TMEM45B: variants seen among roughly 807,000 people sequenced by gnomAD.
The protein encoded by TMEM45B is transmembrane protein 45B.
TMEM45B carries 29 observed loss-of-function variants against 27.3 expected under a neutral mutation model. That is an observed-to-expected ratio of 1.06 (90% CI 0.79 to 1.45). The LOEUF (loss-of-function observed/expected upper bound fraction) is 1.45, where lower values mean the gene tolerates loss of function less well. Among genes scored for constraint, TMEM45B ranks in the 40% most tolerant of loss-of-function variants. The pLI, the probability that TMEM45B is intolerant of heterozygous loss-of-function variation, is 0.00. For missense variants in TMEM45B, 348 were observed against 343.9 expected, an observed-to-expected ratio of 1.01 and a Z score of -0.09; for synonymous variants, 143 against 134.7, an observed-to-expected ratio of 1.06 and a Z score of -0.43.
At chr11:129,858,498 G>C in intron 5 of TMEM45B, 76 bp from the exon 6 acceptor site, 2 of 954,560 alleles carry the variant, frequency 2.1e-6, no homozygotes, top group Non-Finnish European at 3.2e-6. Flanking sequence ...TTAAGAATCA[G>C]TAGATGCCTT....
intron 1 of TMEM45B, among the ~76,000 whole-genome samples, chr11:129,841,599 T>G (rs1395048202): frequency 1.0e-4 from 15 of 145,312 alleles, no homozygotes; most frequent in Non-Finnish European, 2.0e-4. Flanking sequence ...TTTGTTTTTT[T>G]TTTTTTTTTG....
At chr11:129,828,001 T>C (rs1312497511) in intron 1 of TMEM45B, 1 of 143,852 alleles carries the variant, frequency 7.0e-6, no homozygotes, top group Admixed American at 7.4e-5. Flanking sequence ...ATTATAATCT[T>C]ATGGGGCCAC....
chr11:129,854,132 G>A (rs1000912180), intron 2 of TMEM45B, among the ~76,000 whole-genome samples: 4 of 152,156 alleles, frequency 2.6e-5, no homozygotes, highest in Non-Finnish European at 4.4e-5. Flanking sequence ...CCTGGGAGCC[G>A]CTTCCCTCCC....
At chr11:129,847,262 C>T (rs377064349) in intron 1 of TMEM45B, among the ~76,000 whole-genome samples, 2 of 152,020 alleles carry the variant, frequency 1.3e-5, no homozygotes. Flanking sequence ...AGGTAAATAC[C>T]GGAGGAAACA....
At chr11:129,827,706 G>T (rs1413078597) in intron 1 of TMEM45B, among the ~76,000 whole-genome samples, 1 of 152,136 alleles carries the variant, frequency 6.6e-6, no homozygotes, top group African/African-American at 2.4e-5. Context: ...GAGAGGCTGA[G>T]ACAGGAGAAT....
rs71057982 is a variant in TMEM45B at position 129,851,543 on chromosome 11, C to CAAAAAAAAAA, written c.-8-926_-8-917dup. Among the ~76,000 whole-genome samples, 100 of 54,940 alleles carry CAAAAAAAAAA rather than the reference C, an allele frequency of 1.8e-3. 7 individuals are homozygous for CAAAAAAAAAA. Among genetic ancestry groups the CAAAAAAAAAA allele is most frequent in the East Asian group, 6.7e-3 (9 of 1,344 alleles). The allele number at this position is 54,940 out of a possible 152,430, so 36.0% of individuals were successfully genotyped here. A position where few individuals can be genotyped will look rare whatever the true frequency, so the allele number is the denominator to read the frequency against. The stretch of plus-strand genomic sequence containing the variant: ...TGGGTGACAGAGTGAAACTCTGCCT[C>CAAAAAAAAAA]AAAAAAAAAAAAAAAGTCCCCTTCT... On this transcript the variant is annotated intron_variant, in intron 1 of 5. Coordinates refer to ENST00000281441, the MANE Select transcript of TMEM45B (RefSeq NM_138788.5).
chr11:129,829,986 G>A (rs1947529079), intron 1 of TMEM45B, among the ~76,000 whole-genome samples: 1 of 152,222 alleles, frequency 6.6e-6, no homozygotes, highest in African/African-American at 2.4e-5. Flanking sequence ...ATTCACATGT[G>A]AAAGAATAAA....
intron 1 of TMEM45B, among the ~76,000 whole-genome samples, chr11:129,845,984 TA>T (rs1435644536): frequency 6.6e-6 from 1 of 152,196 alleles, no homozygotes; most frequent in Non-Finnish European, 1.5e-5. Flanking sequence ...AGTTCAATTT[TA>T]AAGAGAATAT....
intron 1 of TMEM45B, among the ~76,000 whole-genome samples, chr11:129,832,064 T>TGAAAAAA (rs1191712213): frequency 1.5e-4 from 1 of 6,838 alleles, no homozygotes. Flanking sequence ...AGATTCCATC[T>TGAAAAAA]CAAAAAAAAA....
At position 129,858,711 on chromosome 11, in the gene TMEM45B, C is replaced by CCCA; in HGVS notation, c.*28_*30dup. 6.7e-7 allele frequency: 1 copy of CCCA among 1,490,406 alleles called. No individual in the cohort carries two copies. Among genetic ancestry groups the CCCA allele is most frequent in the Admixed American group, 2.0e-5 (1 of 50,636 alleles). The allele number at this position is 1,490,406 out of a possible 1,614,324, so 92.3% of individuals were successfully genotyped here. A position where few individuals can be genotyped will look rare whatever the true frequency, so the allele number is the denominator to read the frequency against. ...GCCGAGATGCGGAGGGCGCAGATGT[C>CCCA]CCACTGCACAGCTGGAATGAATGGA... On this transcript the variant is annotated 3_prime_UTR_variant, in exon 6 of 6. Transcript: ENST00000281441.
intron 1 of TMEM45B, among the ~76,000 whole-genome samples, chr11:129,842,484 A>T (rs1043610766): frequency 2.0e-5 from 3 of 152,222 alleles, no homozygotes; most frequent in African/African-American, 7.2e-5. Flanking sequence ...ACAGAAATAA[A>T]CCCACTCATA....
At chr11:129,827,327 G>A (rs1947497348) in intron 1 of TMEM45B, among the ~76,000 whole-genome samples, 1 of 152,210 alleles carries the variant, frequency 6.6e-6, no homozygotes, top group African/African-American at 2.4e-5. Flanking sequence ...GCTATGCGGT[G>A]TATACTGTCA....
chr11:129,837,949 T>C (rs1947645021), intron 1 of TMEM45B, among the ~76,000 whole-genome samples: 1 of 151,876 alleles, frequency 6.6e-6, no homozygotes, highest in South Asian at 2.1e-4. Context: ...GCCCAGCTAA[T>C]TTTTGCATTT....
intron 1 of TMEM45B, among the ~76,000 whole-genome samples, chr11:129,826,582 C>G (rs1344687924): frequency 1.5e-5 from 2 of 130,786 alleles, no homozygotes; most frequent in Non-Finnish European, 3.3e-5. Flanking sequence ...CCCTGAGAGG[C>G]TATGTGTCTT....
At chr11:129,854,498 C>T in intron 2 of TMEM45B, 112 bp from the exon 3 acceptor site, 1 of 1,073,088 alleles carries the variant, frequency 9.3e-7, no homozygotes, top group Non-Finnish European at 1.4e-6. Context: ...ACCCGCGGGC[C>T]ACCCTCACCT....
intron 1 of TMEM45B, among the ~76,000 whole-genome samples, chr11:129,837,777 C>CTTTT (rs1159669879): frequency 5.9e-4 from 41 of 69,026 alleles, no homozygotes; most frequent in East Asian, 1.0e-3. Context: ...AGGCTAGTTT[C>CTTTT]TTTTTTTTTT....
chr11:129,822,754 G>A (rs561084052), intron 1 of TMEM45B, among the ~76,000 whole-genome samples: 53 of 151,968 alleles, frequency 3.5e-4, no homozygotes, highest in African/African-American at 1.2e-3. Flanking sequence ...AGATACTAGG[G>A]AATGAAAACT....
chr11:129,832,657 T>C (rs1456523340), intron 1 of TMEM45B, among the ~76,000 whole-genome samples: 1 of 152,080 alleles, frequency 6.6e-6, no homozygotes, highest in Non-Finnish European at 1.5e-5. Context: ...ATAGCAATAA[T>C]GGTTGCACAG....
Position 129,852,527 on chromosome 11 carries a change from G to C in TMEM45B, c.45G>C (p.Leu15=). The change falls in exon 2 of 6, where the codon CTG becomes CTC. Residue 15 remains leucine, a synonymous_variant. Transcript: ENST00000281441. ...KGHALPGSFF[L]IIGLCWSVKY... is the part of the protein sequence containing the mutation. ...ACGCGCTTCCAGGGAGTTTCTTCCT[G>C]ATCATTGGGCTGTGTTGGTCAGTGA... The C allele has an allele frequency of 6.2e-7, 1 of 1,611,356 alleles. No homozygotes were observed. Among genetic ancestry groups the C allele is most frequent in the Non-Finnish European group, 8.5e-7 (1 of 1,177,752 alleles).
Sources: gnomAD v4.1 joint callset for allele counts (sites outside exome capture counted in the v4.1 genomes callset) on GRCh38, gnomAD v4.1.1 for gene constraint, MANE v1.5 for transcripts, NCBI Gene and HGNC (gene_info 2026-07-23, HGNC 2026-07-21) for gene names.